TMEM63A: variants seen among roughly 807,000 people sequenced by gnomAD.
The protein encoded by TMEM63A is transmembrane protein 63A.
TMEM63A carries 76 observed loss-of-function variants against 100.6 expected under a neutral mutation model. The ratio of observed to expected loss-of-function variants is 0.76; its 90% confidence interval spans 0.63 to 0.91. TMEM63A has a LOEUF of 0.91. Ranked by LOEUF, TMEM63A falls within the 40% of genes least tolerant of loss-of-function variation. The pLI, the probability that TMEM63A is intolerant of heterozygous loss-of-function variation, is 0.00. For synonymous variants in TMEM63A, 401 were observed against 401.1 expected, an observed-to-expected ratio of 1.00 and a Z score of 0.00; for missense variants, 876 against 1,008.8, an observed-to-expected ratio of 0.87 and a Z score of 1.78.
In TMEM63A at chr1:225,853,634, T is replaced by C; in HGVS notation, c.1792A>G (p.Lys598Glu). ...AKTAADRRNV[K>E]QNQAFQYEFG... Reference sequence around the variant, plus strand: ...CTGGGCCCAGGGGATGGCACCTGCTTGACATTCCTGCGGTCAGCAGCCGTC... The same window carrying C: ...CTGGGCCCAGGGGATGGCACCTGCTCGACATTCCTGCGGTCAGCAGCCGTC... Residue 598 changes from lysine to glutamate, a missense_variant, in exon 19 of 25, where the codon AAG becomes GAG. Around this residue, in one of 5 missense-constraint regions of TMEM63A, gnomAD observed 339 missense variants for 342.3 expected, o/e 0.99. Transcript: ENST00000366835. This position sits in a 1 kb window ranked among gnomAD's most constrained non-coding sequence, Gnocchi z 4.0. 2 of 1,563,472 alleles carry C rather than the reference T, an allele frequency of 1.3e-6. No homozygotes were observed. The highest frequency in any genetic ancestry group is 2.7e-5 in the African/African-American group (2 of 74,104).
At chr1:225,848,588 C>G (rs1345219283) in intron 22 of TMEM63A, 34 bp from the exon 23 acceptor site, 1 of 1,609,804 alleles carries the variant, frequency 6.2e-7, no homozygotes, top group Non-Finnish European at 8.5e-7. Flanking sequence ...CGATGATAAA[C>G]AAAACTGATC....
downstream of TMEM63A, chr1:225,844,378 TGAGGTCTGAGGAGGGAAGCC>T: frequency 6.7e-7 from 1 of 1,484,992 alleles, no homozygotes; most frequent in Non-Finnish European, 9.4e-7. Context: ...ACACGTTGCA[TGAGGTCTGAGGAGGGAAGCC>T]GCATGGGCAG....
intron 2 of TMEM63A, 149 bp from the exon 3 acceptor site, chr1:225,877,743 T>A: frequency 1.5e-6 from 1 of 680,502 alleles, no homozygotes; most frequent in Non-Finnish European, 2.4e-6. Flanking sequence ...GAGCCAGACA[T>A]TGGACCTCTG....
intron 10 of TMEM63A, among the ~76,000 whole-genome samples, chr1:225,863,445 A>G (rs910578945): frequency 9.2e-5 from 14 of 152,140 alleles, no homozygotes; most frequent in Non-Finnish European, 2.9e-5. Context: ...AAAAATGAAC[A>G]CATCACTATC....
intron 5 of TMEM63A, 178 bp downstream of exon 5, chr1:225,871,809 C>T (rs527675777): frequency 3.7e-4 from 219 of 586,988 alleles, no homozygotes; most frequent in African/African-American, 3.4e-3. Flanking sequence ...CTCAAGGTCC[C>T]GGGTCATCCA....
rs867955628 is a variant in TMEM63A, at chr1:225,865,827, G to A, written c.746+70C>T. 1.2e-5 allele frequency: 19 copies of A among 1,537,996 alleles called. No homozygotes were observed. Among genetic ancestry groups the A allele is most frequent in the East Asian group, 2.3e-5 (1 of 43,180 alleles). On this transcript the variant is annotated intron_variant, in intron 10 of 24. Coordinates refer to ENST00000366835, the MANE Select transcript of TMEM63A (RefSeq NM_014698.3). The surrounding 1 kb of genome is among the most constrained non-coding windows in gnomAD (Gnocchi z 4.6). ...CAGAAGGCGCTCACCTAAGGTGCTC[G>A]CCCTGCGGGTGGGGCTGTGTTGGTC...
chr1:225,848,545 G>A lies in TMEM63A; in HGVS notation c.2197C>T (p.Pro733Ser), dbSNP rs1202963863. 2.5e-6 allele frequency: 4 copies of A among 1,613,962 alleles called. No individual in the cohort carries two copies. In the Admixed American group the frequency reaches 6.7e-5, roughly 27 times the overall value. ...GCCTCACTTCCTTTGTCACTTGCAG[G>A]CTCTTCTGTCTGCAGATAACAGCAA... ...LSPLNYKTEE[P>S]ASDKGSEAEA... is the part of the protein sequence containing the mutation. The change falls in exon 23 of 25, where the codon CCT (proline) becomes TCT (serine). Residue 733 changes from proline (P) to serine (S), a missense_variant. Transcript: ENST00000366835.
intron 13 of TMEM63A, 121 bp from the exon 14 acceptor site, chr1:225,861,118 T>A (rs1199381668): frequency 8.5e-7 from 1 of 1,171,962 alleles, no homozygotes; most frequent in Non-Finnish European, 1.2e-6. Flanking sequence ...TTGTTGTGAT[T>A]AGTGTATTAT....
chr1:225,880,095 C>G (rs1268408795), intron 1 of TMEM63A, among the ~76,000 whole-genome samples: 2 of 152,126 alleles, frequency 1.3e-5, no homozygotes, highest in East Asian at 3.9e-4. Context: ...ATAGGCTTCC[C>G]AGGGTGGTTT....
intron 1 of TMEM63A, among the ~76,000 whole-genome samples, chr1:225,881,070 TA>T (rs1671063543): frequency 6.6e-6 from 1 of 152,184 alleles, no homozygotes; most frequent in Non-Finnish European, 1.5e-5. Flanking sequence ...GGTTGCAAAG[TA>T]AAGTACAAAC....
At chr1:225,855,688 T>A (rs1236149804) in intron 18 of TMEM63A, among the ~76,000 whole-genome samples, 190 bp downstream of exon 18, 4 of 152,134 alleles carry the variant, frequency 2.6e-5, no homozygotes, top group Non-Finnish European at 5.9e-5. Context: ...ACAAAGTGGG[T>A]CAGCTCCCAC....
intron 23 of TMEM63A, among the ~76,000 whole-genome samples, chr1:225,847,957 C>G (rs1163727435): frequency 1.3e-5 from 2 of 152,128 alleles, no homozygotes; most frequent in African/African-American, 4.8e-5. Flanking sequence ...CCTTCCCAGC[C>G]CCACCCTAGG....
rs775860862 is a variant in TMEM63A at position 225,847,015 on chromosome 1, G to A, written c.*6+19C>T. On this transcript the variant is annotated intron_variant, in intron 24 of 24. Transcript: ENST00000366835. ...TCACCCCACAGGCTCCCCTGAGCCT[G>A]GCCCAGCCAGCAGCTCACCCAGCCT... is the stretch of plus-strand genomic sequence containing the variant. 6.3e-7 allele frequency: 1 copy of A among 1,595,898 alleles called. No individual in the cohort carries two copies. The highest frequency in any genetic ancestry group is 1.1e-5 in the South Asian group (1 of 89,268).
chr1:225,874,070 G>A (rs1246415450), intron 4 of TMEM63A, among the ~76,000 whole-genome samples: 2 of 152,170 alleles, frequency 1.3e-5, no homozygotes, highest in Admixed American at 6.5e-5. Flanking sequence ...TATTGGTACA[G>A]GCCAGGTAGA....
In TMEM63A at chr1:225,867,238, T is replaced by C; in HGVS notation, c.515-75A>G. The C allele has an allele frequency of 1.4e-6, 2 of 1,475,880 alleles. No homozygotes were observed. Among genetic ancestry groups the C allele is most frequent in the Non-Finnish European group, 1.9e-6 (2 of 1,054,600 alleles). The allele number at this position is 1,475,880 out of a possible 1,614,324, so 91.4% of individuals were successfully genotyped here. A position where few individuals can be genotyped will look rare whatever the true frequency, so the allele number is the denominator to read the frequency against. Reference sequence around the variant, plus strand: ...AGGGGGCGTAACCAATCAGCCTTGGTTTGTGGAGCTCTGGGGAGGAGGAGC... The same window carrying C: ...AGGGGGCGTAACCAATCAGCCTTGGCTTGTGGAGCTCTGGGGAGGAGGAGC... On this transcript the variant is annotated intron_variant, in intron 7 of 24. Transcript: ENST00000366835. The surrounding 1 kb of genome is among the most constrained non-coding windows in gnomAD (Gnocchi z 4.6).
At chr1:225,878,986 A>C (rs1670961089) in intron 2 of TMEM63A, among the ~76,000 whole-genome samples, 1 of 152,080 alleles carries the variant, frequency 6.6e-6, no homozygotes, top group African/African-American at 2.4e-5. Context: ...ACAGACAGCC[A>C]AGTGACTTTC....
In TMEM63A at chr1:225,850,049, A is replaced by G; in HGVS notation, c.1934T>C (p.Val645Ala). Reference sequence around the variant, plus strand: ...GACGAAGTAGAGGTTGTGCCGGTCCACCATGTGCTTGAGCAGGATGTAGAT... The same window carrying G: ...GACGAAGTAGAGGTTGTGCCGGTCCGCCATGTGCTTGAGCAGGATGTAGAT... ...GLIYILLKHMVDRHNLYFVYL... is the reference protein window; with the variant it reads ...GLIYILLKHMADRHNLYFVYL... Residue 645 changes from valine to alanine, a missense_variant, in exon 21 of 25, where the codon GTG (valine) becomes GCG (alanine). This residue lies in a region of TMEM63A where 339 missense variants were observed against 342.3 expected (regional missense o/e 0.99). Transcript: ENST00000366835. 1 of 1,614,188 alleles carries G rather than the reference A, an allele frequency of 6.2e-7. No homozygotes were observed. Among genetic ancestry groups the G allele is most frequent in the South Asian group, 1.1e-5 (1 of 91,084 alleles).
At chr1:225,845,055 T>C, downstream of TMEM63A, 1 of 1,377,692 alleles carries the variant, frequency 7.3e-7, no homozygotes, top group Non-Finnish European at 1.0e-6. Flanking sequence ...GGCCAGCTGA[T>C]CTCACCCCCA....
In TMEM63A at chr1:225,877,429, G is replaced by A. The variant is rs1670861112; in HGVS notation, c.152C>T (p.Pro51Leu). The change falls in exon 3 of 25, where the codon CCC (proline) becomes CTC (leucine). Residue 51 changes from proline to leucine, a missense_variant. Pro to Leu is a moderately conservative substitution (Grantham distance 98). This residue lies in a region of TMEM63A where 3 missense variants were observed against 18.4 expected (regional missense o/e 0.16). Transcript: ENST00000366835. ...GCTGACGTCTATGAGCAGGACAGTG[G>A]GGATGCCACCAAAGGTGACCCCCTG... ...VLQGVTFGGI[P>L]TVLLIDVSCF... 6.2e-7 allele frequency: 1 copy of A among 1,614,042 alleles called. No individual in the cohort carries two copies. The highest frequency in any genetic ancestry group is 8.5e-7 in the Non-Finnish European group (1 of 1,180,030).
Sources: allele counts gnomAD v4.1 joint callset (sites outside exome capture counted in the v4.1 genomes callset), GRCh38; gene constraint gnomAD v4.1.1; regional missense constraint gnomAD v4.1.1; non-coding constraint Gnocchi (gnomAD v3.1); transcripts MANE v1.5; gene names NCBI Gene and HGNC (gene_info 2026-07-23, HGNC 2026-07-21).